Variants in FAS observed in about 807,000 individuals in gnomAD.
The protein encoded by FAS is Fas cell surface death receptor.
A neutral mutation model predicts 33.2 loss-of-function variants in FAS; 5 were observed. The observed-to-expected ratio is 0.15, with a 90% CI of 0.08 to 0.32. FAS has a LOEUF of 0.32. Ranked by LOEUF, FAS falls within the 10% of genes least tolerant of loss-of-function variation. FAS has a pLI of 1.00. For synonymous variants in FAS, 131 were observed against 130.7 expected (o/e 1.00, Z -0.01); for missense variants, 339 against 386.0 (o/e 0.88, Z 1.02).
chr10:89,002,707 TAAAG>T, intron 1 of FAS: 1 of 365,934 alleles, frequency 2.7e-6, no homozygotes, highest in South Asian at 2.5e-5. Context: ...CACTTATAGA[TAAAG>T]AAACTGAGAC....
At chr10:89,010,993 C>A in intron 6 of FAS, 178 bp downstream of exon 6, 3 of 723,506 alleles carry the variant, frequency 4.1e-6, no homozygotes, top group South Asian at 1.7e-5. Flanking sequence ...AATTATTCCT[C>A]AGCTAGTTTC....
chr10:89,010,035 CA>C (rs1240526788), intron 4 of FAS, among the ~76,000 whole-genome samples: 2 of 152,188 alleles, frequency 1.3e-5, no homozygotes, highest in Admixed American at 6.5e-5. Flanking sequence ...GGAAATCACA[CA>C]TGAACCTCTT....
chr10:89,009,873 C>A (rs1282019526), intron 4 of FAS, among the ~76,000 whole-genome samples: 3 of 152,126 alleles, frequency 2.0e-5, no homozygotes, highest in Non-Finnish European at 2.9e-5. Context: ...ATTTTCTTGT[C>A]ATCATAACCT....
chr10:88,996,118 T>G (rs1847571960), intron 1 of FAS, among the ~76,000 whole-genome samples: 1 of 152,152 alleles, frequency 6.6e-6, no homozygotes, highest in Non-Finnish European at 1.5e-5. Context: ...ATATGAGAAA[T>G]GTGAATACTT....
rs573868391 is a variant in FAS at position 89,016,780 on chromosome 10, A to T, written c.*2330A>T. On this transcript the variant is annotated 3_prime_UTR_variant, in exon 9 of 9. Transcript: ENST00000652046. ...AGAAAAAAAGGCTATTTGCAGAAGG[A>T]GCTCACAGATCACATTGAAAGCATT... The T allele has an allele frequency of 4.5e-6, 1 of 221,242 alleles. No homozygotes were observed. The highest frequency in any genetic ancestry group is 9.0e-6 in the Non-Finnish European group (1 of 110,522). 13.7% of individuals were successfully genotyped at this position (221,242 alleles called of 1,614,324 possible).
intron 1 of FAS, among the ~76,000 whole-genome samples, chr10:89,002,367 G>A (rs9658728): frequency 1.4e-3 from 219 of 152,196 alleles, no homozygotes; most frequent in African/African-American, 5.0e-3. Flanking sequence ...AGGAATTGTG[G>A]CCCTTCTCAT....
intron 1 of FAS, among the ~76,000 whole-genome samples, chr10:88,997,443 C>T (rs540271063): frequency 4.7e-4 from 72 of 152,284 alleles, no homozygotes; most frequent in Middle Eastern, 3.4e-3. Context: ...GCTTCAACTA[C>T]CTCTGTCCTG....
intron 1 of FAS, 92 bp from the exon 2 acceptor site, chr10:89,002,937 C>A: frequency 7.3e-7 from 1 of 1,375,304 alleles, no homozygotes; most frequent in African/African-American, 1.4e-5. Context: ...CTGTGCACAG[C>A]AGATACTGCC....
chr10:88,980,242 A>G (rs1231815661), intron 2 of FAS, among the ~76,000 whole-genome samples: 1 of 152,112 alleles, frequency 6.6e-6, no homozygotes, highest in Non-Finnish European at 1.5e-5. Flanking sequence ...TACAACTAAG[A>G]AGTCAGGGCA....
At chr10:88,982,660 G>GT (rs907622782), upstream of FAS, among the ~76,000 whole-genome samples, 7 of 151,428 alleles carry the variant, frequency 4.6e-5, no homozygotes, top group Non-Finnish European at 7.4e-5. Flanking sequence ...AATGAACTAA[G>GT]TTTTTTTTTC....
chr10:89,007,711 G>A lies in FAS; in HGVS notation c.208G>A (p.Ala70Thr), dbSNP rs763495508. 4 of 1,613,862 alleles carry A rather than the reference G, an allele frequency of 2.5e-6. No homozygotes were observed. Among genetic ancestry groups the A allele is most frequent in the Non-Finnish European group, 3.4e-6 (4 of 1,179,894 alleles). Residue 70 changes from alanine (A) to threonine (T), a missense_variant, in exon 3 of 9, where the codon GCT (alanine) becomes ACT (threonine). Physicochemically the swap from Ala to Thr is moderately conservative, Grantham distance 58. This residue lies in a region of FAS where 276 missense variants were observed against 300.1 expected (regional missense o/e 0.92). Coordinates refer to ENST00000652046, the MANE Select transcript of FAS (RefSeq NM_000043.6). ...TTTTCCTTGGGCAGGTGAAAGGAAA[G>A]CTAGGGACTGCACAGTCAATGGGGA... ...HKPCPPGERK[A>T]RDCTVNGDEP...
chr10:89,004,604 A>T (rs1265739793), intron 2 of FAS, among the ~76,000 whole-genome samples: 5 of 151,836 alleles, frequency 3.3e-5, no homozygotes, highest in Non-Finnish European at 7.4e-5. Context: ...AAAGGAAAAT[A>T]TTGTACACAT....
chr10:88,986,470 T>C (rs147243111), upstream of FAS, among the ~76,000 whole-genome samples: 539 of 152,264 alleles, frequency 3.5e-3, 7 homozygotes, highest in African/African-American at 0.012. Flanking sequence ...TCTTTTTCAG[T>C]CATTGCTCAA....
At chr10:88,990,028 A>T (rs1338620363), upstream of FAS, among the ~76,000 whole-genome samples, 1 of 152,226 alleles carries the variant, frequency 6.6e-6, no homozygotes, top group African/African-American at 2.4e-5. This position sits in a 1 kb window ranked among gnomAD's most constrained non-coding sequence, Gnocchi z 4.9. Flanking sequence ...CCAGGAAATA[A>T]TGAGTAACGA....
chr10:88,990,818 G>C lies in FAS; in HGVS notation c.-59G>C. The C allele has an allele frequency of 6.2e-7, 1 of 1,612,368 alleles. No homozygotes were observed. The highest frequency in any genetic ancestry group is 8.5e-7 in the Non-Finnish European group (1 of 1,178,464). On this transcript the variant is annotated 5_prime_UTR_variant, in exon 1 of 9. Transcript: ENST00000652046. The surrounding 1 kb of genome is among the most constrained non-coding windows in gnomAD (Gnocchi z 4.9). ...GCTGCCTCTTCTCCCGCGGGTTGGT[G>C]GACCCGCTCAGTACGGAGTTGGGGA...
rs1847159438 is a variant in FAS, at chr10:88,991,038, G to A, written c.30+132G>A. 4.0e-6 allele frequency: 5 copies of A among 1,235,834 alleles called. No homozygotes were observed. In the Admixed American group the frequency reaches 5.9e-5, roughly 15 times the overall value. The allele number at this position is 1,235,834 out of a possible 1,614,324, so 76.6% of individuals were successfully genotyped here. A position where few individuals can be genotyped will look rare whatever the true frequency, so the allele number is the denominator to read the frequency against. ...CGCGGGCACCTGGGAGCGGCGGGCT[G>A]CTGCGGGAGGCGTTGGAGACTGGCT... On this transcript the variant is annotated intron_variant, in intron 1 of 8. Coordinates refer to ENST00000652046, the MANE Select transcript of FAS (RefSeq NM_000043.6).
At chr10:89,013,692 A>C (rs548523924) in intron 8 of FAS, among the ~76,000 whole-genome samples, 1 of 152,240 alleles carries the variant, frequency 6.6e-6, no homozygotes, top group Non-Finnish European at 1.5e-5. Context: ...CTCAGGTATT[A>C]TCAGTGTACC....
intron 2 of FAS, among the ~76,000 whole-genome samples, chr10:88,979,447 T>C (rs1846655642): frequency 6.6e-6 from 1 of 152,046 alleles, no homozygotes; most frequent in Admixed American, 6.6e-5. Context: ...GGCCAAATAA[T>C]TGTCAGGAAC....
At chr10:88,996,250 A>G (rs1457678513) in intron 1 of FAS, among the ~76,000 whole-genome samples, 1 of 146,712 alleles carries the variant, frequency 6.8e-6, no homozygotes, top group African/African-American at 2.6e-5. Flanking sequence ...CACAGAGATC[A>G]TTGGTCCTAA....
Sources: gnomAD v4.1 joint callset for allele counts (sites outside exome capture counted in the v4.1 genomes callset) on GRCh38, gnomAD v4.1.1 for gene constraint, gnomAD v4.1.1 regional missense constraint, Gnocchi (gnomAD v3.1) non-coding constraint, MANE v1.5 for transcripts, NCBI Gene and HGNC (gene_info 2026-07-23, HGNC 2026-07-21) for gene names.